The following RSU1 variants were observed in gnomAD, a reference collection of about 807,000 sequenced individuals.
RSU1 encodes rsu-1.
In RSU1, 26 loss-of-function variants were observed where a neutral mutation model predicts 31.1. That is an observed-to-expected ratio of 0.84 (90% CI 0.61 to 1.16). The LOEUF is 1.16. Ranked by LOEUF, RSU1 falls within the 50% of genes most tolerant of loss-of-function variation. RSU1 has a pLI of 0.00. For synonymous variants in RSU1, 164 were observed against 136.3 expected, an observed-to-expected ratio of 1.20 and a Z score of -1.41; for missense variants, 320 against 339.1, an observed-to-expected ratio of 0.94 and a Z score of 0.44.
At chr10:16,650,595 T>TTTTTG (rs1834665558) in intron 8 of RSU1, among the ~76,000 whole-genome samples, 2 of 125,306 alleles carry the variant, frequency 1.6e-5, no homozygotes, top group Non-Finnish European at 1.7e-5. Flanking sequence ...TTTTTTTTTT[T>TTTTTG]GTGAGACAGA....
intron 4 of RSU1, among the ~76,000 whole-genome samples, chr10:16,761,914 T>G (rs1368003742): frequency 6.6e-6 from 1 of 152,008 alleles, no homozygotes; most frequent in Non-Finnish European, 1.5e-5. Flanking sequence ...TTCCTTCAAC[T>G]TGTAAGTCTG....
chr10:16,717,184 G>C (rs940810858), intron 7 of RSU1, among the ~76,000 whole-genome samples: 1 of 152,098 alleles, frequency 6.6e-6, no homozygotes, highest in African/African-American at 2.4e-5. Flanking sequence ...TTTCAGCTTT[G>C]CTTCCCGCTC....
intron 4 of RSU1, among the ~76,000 whole-genome samples, chr10:16,756,636 C>A (rs1252876134): frequency 6.6e-6 from 1 of 152,198 alleles, no homozygotes; most frequent in African/African-American, 2.4e-5. Flanking sequence ...ATGTAACATA[C>A]AAAATATGTG....
intron 8 of RSU1, among the ~76,000 whole-genome samples, chr10:16,641,888 T>C (rs1055987891): frequency 6.6e-6 from 1 of 152,206 alleles, no homozygotes; most frequent in Non-Finnish European, 1.5e-5. Context: ...ACCTGATCCA[T>C]GTAGCAGAGC....
At chr10:16,645,793 C>A (rs529630501) in intron 8 of RSU1, among the ~76,000 whole-genome samples, 3 of 147,060 alleles carry the variant, frequency 2.0e-5, no homozygotes, top group Non-Finnish European at 4.5e-5. Context: ...GACGACAGAG[C>A]GAGACTCTGT....
intron 8 of RSU1, among the ~76,000 whole-genome samples, chr10:16,594,625 A>G (rs989540911): frequency 7.0e-6 from 1 of 143,808 alleles, no homozygotes; most frequent in African/African-American, 2.7e-5. Context: ...TATGATATAT[A>G]TGATAGATAA....
At chr10:16,795,529 G>C (rs1427789429) in intron 2 of RSU1, among the ~76,000 whole-genome samples, 2 of 152,020 alleles carry the variant, frequency 1.3e-5, no homozygotes, top group African/African-American at 2.4e-5. Flanking sequence ...CTCAATTTTA[G>C]ATGAGAAAAA....
chr10:16,704,454 C>T (rs1835854970), intron 7 of RSU1, among the ~76,000 whole-genome samples: 1 of 152,190 alleles, frequency 6.6e-6, no homozygotes, highest in African/African-American at 2.4e-5. Context: ...TATTTAAAAA[C>T]CAATTTATCT....
intron 8 of RSU1, among the ~76,000 whole-genome samples, chr10:16,682,516 G>A (rs1283589820): frequency 3.0e-5 from 4 of 135,268 alleles, no homozygotes; most frequent in African/African-American, 1.1e-4. Context: ...ATCTCTCCAT[G>A]GTCTTTTAAA....
At chr10:16,654,668 C>CAAAAAAAAAAAAAAAAAAAAAAAAAAAA (rs1834743755) in intron 8 of RSU1, among the ~76,000 whole-genome samples, 1 of 100,642 alleles carries the variant, frequency 9.9e-6, no homozygotes, top group Non-Finnish European at 1.9e-5. Flanking sequence ...GACTCCATCT[C>CAAAAAAAAAAAAAAAAAAAAAAAAAAAA]AAAAACAAAA....
chr10:16,801,916 A>G (rs1838163931), intron 2 of RSU1, among the ~76,000 whole-genome samples: 1 of 152,142 alleles, frequency 6.6e-6, no homozygotes, highest in Admixed American at 6.5e-5. Flanking sequence ...TGCATGTATT[A>G]CAAAACAAGA....
chr10:16,704,434 G>C (rs1360796401), intron 7 of RSU1, among the ~76,000 whole-genome samples: 2 of 152,194 alleles, frequency 1.3e-5, no homozygotes, highest in African/African-American at 2.4e-5. Context: ...CTAGTAGGCA[G>C]CCAGGCAGGT....
chr10:16,594,187 C>A (rs1833564985), intron 8 of RSU1, among the ~76,000 whole-genome samples: 2 of 152,128 alleles, frequency 1.3e-5, no homozygotes, highest in Non-Finnish European at 2.9e-5. Flanking sequence ...AACTTAACTC[C>A]TTTTATTGAT....
At chr10:16,715,592 C>T (rs1334915987) in intron 7 of RSU1, among the ~76,000 whole-genome samples, 1 of 152,142 alleles carries the variant, frequency 6.6e-6, no homozygotes, top group Non-Finnish European at 1.5e-5. Flanking sequence ...TTTGGGCACA[C>T]TTGTCAAAAA....
intron 8 of RSU1, among the ~76,000 whole-genome samples, chr10:16,613,582 C>G (rs1431370373): frequency 6.6e-6 from 1 of 152,188 alleles, no homozygotes; most frequent in African/African-American, 2.4e-5. Context: ...ATGACACTGG[C>G]AGACATCAAG....
intron 7 of RSU1, among the ~76,000 whole-genome samples, chr10:16,730,831 T>G (rs1289077259): frequency 6.7e-6 from 1 of 150,132 alleles, no homozygotes; most frequent in African/African-American, 2.5e-5. Flanking sequence ...AATGTTGTTG[T>G]TTTTTTCAGC....
chr10:16,779,178 G>A (rs2168181), intron 3 of RSU1, among the ~76,000 whole-genome samples: 30,628 of 152,076 alleles, frequency 0.2, 3,325 homozygotes, highest in African/African-American at 0.29. Flanking sequence ...CATCAACGCT[G>A]CCCCAAGCTC....
intron 8 of RSU1, among the ~76,000 whole-genome samples, chr10:16,663,478 T>C (rs750740767): frequency 3.9e-5 from 6 of 152,184 alleles, no homozygotes; most frequent in Admixed American, 6.5e-5. Context: ...CTAATGCTCT[T>C]GATAATGGGT....
rs188882774 is a variant in RSU1, at chr10:16,674,608, A to C, written c.731+20415T>G. Among the ~76,000 whole-genome samples the C allele has an allele frequency of 2.8e-3, 421 of 152,130 alleles. 3 individuals are homozygous for C. Among genetic ancestry groups the C allele is most frequent in the Middle Eastern group, 6.8e-3 (2 of 294 alleles). ...CATTCTAAGCATAAGAGAGACGATA[A>C]AATTGGAGGCAGGAGTGGGTGGTGG... On this transcript the variant is annotated intron_variant, in intron 8 of 8. Coordinates refer to ENST00000345264, the MANE Select transcript of RSU1 (RefSeq NM_012425.4).
Sources: gnomAD v4.1 joint callset for allele counts (sites outside exome capture counted in the v4.1 genomes callset) on GRCh38, gnomAD v4.1.1 for gene constraint, MANE v1.5 for transcripts, NCBI Gene and HGNC (gene_info 2026-07-23, HGNC 2026-07-21) for gene names.